The following DIS3L2 variants were observed in gnomAD, a reference collection of about 807,000 sequenced individuals.
DIS3L2 encodes the protein DIS3-like exonuclease 2.
DIS3L2 carries 34 observed loss-of-function variants against 97.5 expected under a neutral mutation model. The ratio of observed to expected loss-of-function variants is 0.35; its 90% confidence interval spans 0.27 to 0.46. The LOEUF is 0.46. Ranked by LOEUF, DIS3L2 falls within the 20% of genes least tolerant of loss-of-function variation. DIS3L2 has a pLI of 1.00. For missense variants in DIS3L2, 1,038 were observed against 1,146.0 expected, an observed-to-expected ratio of 0.91 and a Z score of 1.36; for synonymous variants, 435 against 445.2, an observed-to-expected ratio of 0.98 and a Z score of 0.29.
chr2:232,116,710 C>G (rs574173075), intron 6 of DIS3L2, among the ~76,000 whole-genome samples: 11 of 152,286 alleles, frequency 7.2e-5, no homozygotes, highest in African/African-American at 2.4e-4. Context: ...AGGGAACTGA[C>G]AGCTGCCCTA....
In DIS3L2 at chr2:232,050,444, AT is replaced by A. The variant is rs766372087; in HGVS notation, c.366+20380del. On this transcript the variant is annotated intron_variant, in intron 5 of 20. Coordinates refer to ENST00000325385, the MANE Select transcript of DIS3L2 (RefSeq NM_152383.5). ...ACCACCATGCCCAGCTAATCTTTGTATTTTTTTTTTTTTTTTAGTAGACAGG... is the reference window on the plus strand; with the variant it reads ...ACCACCATGCCCAGCTAATCTTTGTATTTTTTTTTTTTTTTAGTAGACAGG... 5.0e-3 allele frequency among the ~76,000 whole-genome samples: 681 copies of A among 136,312 alleles called. 1 individual carries two copies. The highest frequency in any genetic ancestry group is 8.2e-3 in the East Asian group (38 of 4,658). 89.4% of individuals were successfully genotyped at this position (136,312 alleles called of 152,430 possible).
At chr2:232,234,674 G>A (rs1047855912) in intron 10 of DIS3L2, among the ~76,000 whole-genome samples, 2 of 152,332 alleles carry the variant, frequency 1.3e-5, no homozygotes, top group African/African-American at 2.4e-5. Flanking sequence ...TTACATTTAT[G>A]TAGTTGTTAT....
intron 9 of DIS3L2, among the ~76,000 whole-genome samples, chr2:232,201,633 G>A (rs1219322540): frequency 6.6e-6 from 1 of 152,220 alleles, no homozygotes; most frequent in Admixed American, 6.5e-5. Flanking sequence ...ACATTTAAAC[G>A]TGGTCTATGA....
At chr2:232,272,375 G>A (rs1694030601) in intron 13 of DIS3L2, among the ~76,000 whole-genome samples, 1 of 152,176 alleles carries the variant, frequency 6.6e-6, no homozygotes, top group African/African-American at 2.4e-5. Flanking sequence ...ACACCAATAA[G>A]ATAAAAGCAA....
At chr2:232,050,922 C>T (rs1695382410) in intron 5 of DIS3L2, among the ~76,000 whole-genome samples, 1 of 152,204 alleles carries the variant, frequency 6.6e-6, no homozygotes, top group Non-Finnish European at 1.5e-5. Context: ...GACAATGGCT[C>T]TGCCTAAGGG....
At chr2:232,342,338 TGAA>T (rs1696129923) in intron 13 of DIS3L2, among the ~76,000 whole-genome samples, 1 of 152,004 alleles carries the variant, frequency 6.6e-6, no homozygotes, top group Non-Finnish European at 1.5e-5. Flanking sequence ...AATTCAGACA[TGAA>T]GAAGTATCTT....
intron 1 of DIS3L2, among the ~76,000 whole-genome samples, chr2:231,987,263 T>C (rs1343462236): frequency 1.3e-5 from 2 of 152,226 alleles, no homozygotes; most frequent in Non-Finnish European, 2.9e-5. Flanking sequence ...GTTTTCTTTG[T>C]AATAAGATGT....
At chr2:232,247,146 C>T (rs1004410391) in intron 11 of DIS3L2, among the ~76,000 whole-genome samples, 1 of 152,182 alleles carries the variant, frequency 6.6e-6, no homozygotes, top group African/African-American at 2.4e-5. Context: ...AAGCCCTGGA[C>T]TGATGTCATT....
intron 9 of DIS3L2, among the ~76,000 whole-genome samples, chr2:232,176,161 G>A (rs983199688): frequency 2.0e-5 from 3 of 152,220 alleles, no homozygotes; most frequent in African/African-American, 7.2e-5. Context: ...AAAGTGCTGG[G>A]ATTACAGGCG....
intron 5 of DIS3L2, among the ~76,000 whole-genome samples, chr2:232,059,183 C>G (rs868793813): frequency 6.6e-6 from 1 of 152,130 alleles, no homozygotes; most frequent in Non-Finnish European, 1.5e-5. Context: ...AGAATTCTTG[C>G]AACAGCATAA....
At position 232,130,252 on chromosome 2, in the gene DIS3L2, A is replaced by G. The variant is rs115191395; in HGVS notation, c.602-367A>G. On this transcript the variant is annotated intron_variant, in intron 6 of 20. Coordinates refer to ENST00000325385, the MANE Select transcript of DIS3L2 (RefSeq NM_152383.5). ...TGTTTTATTTCAGCAGATGTGCATA[A>G]TAAATTAACCTATCTCTATTCTTCA... Among the ~76,000 whole-genome samples the G allele has an allele frequency of 9.2e-3, 1,399 of 152,344 alleles. 19 individuals carry two copies. Among genetic ancestry groups the G allele is most frequent in the African/African-American group, 0.032 (1,313 of 41,570 alleles).
At chr2:232,334,965 G>T in intron 19 of DIS3L2, 1 of 543,304 alleles carries the variant, frequency 1.8e-6, no homozygotes, top group South Asian at 2.0e-5. Flanking sequence ...CAGAGAGCAG[G>T]CCCCTCCATG....
intron 1 of DIS3L2, among the ~76,000 whole-genome samples, chr2:232,012,490 T>C (rs1694231301): frequency 6.6e-6 from 1 of 152,158 alleles, no homozygotes; most frequent in Non-Finnish European, 1.5e-5. Context: ...CATTTTCAAT[T>C]CCAGCGCTTG....
At chr2:232,199,433 G>C (rs1691835976) in intron 9 of DIS3L2, among the ~76,000 whole-genome samples, 1 of 152,140 alleles carries the variant, frequency 6.6e-6, no homozygotes, top group African/African-American at 2.4e-5. Context: ...ATGATGCAGT[G>C]AACTCTTCCT....
intron 9 of DIS3L2, among the ~76,000 whole-genome samples, chr2:232,200,016 G>A (rs985993564): frequency 4.6e-5 from 7 of 152,194 alleles, no homozygotes; most frequent in Admixed American, 1.3e-4. Flanking sequence ...CCCATAGTGA[G>A]TATATTCTAA....
intron 13 of DIS3L2, among the ~76,000 whole-genome samples, chr2:232,267,756 C>T (rs1033220524): frequency 6.6e-6 from 1 of 152,116 alleles, no homozygotes; most frequent in Non-Finnish European, 1.5e-5. Context: ...TCACAGAGTC[C>T]CCTGGCACTT....
downstream of DIS3L2, chr2:232,340,578 G>A: frequency 2.4e-6 from 1 of 418,796 alleles, no homozygotes; most frequent in South Asian, 1.8e-5. Flanking sequence ...AAGGGATGCT[G>A]AGACTACAGC....
chr2:232,133,867 A>G (rs3103259), intron 7 of DIS3L2, among the ~76,000 whole-genome samples: 71,234 of 151,202 alleles, frequency 0.47, 19,218 homozygotes, highest in Non-Finnish European at 0.61. Flanking sequence ...ACATACCTGT[A>G]ATCCCAGCTA....
At chr2:232,206,958 A>G (rs1574945628) in intron 9 of DIS3L2, among the ~76,000 whole-genome samples, 1 of 152,224 alleles carries the variant, frequency 6.6e-6, no homozygotes, top group Non-Finnish European at 1.5e-5. Flanking sequence ...CACTGGATCC[A>G]TAGAAATGAA....
Sources: gnomAD v4.1 joint callset for allele counts (sites outside exome capture counted in the v4.1 genomes callset) on GRCh38, gnomAD v4.1.1 for gene constraint, MANE v1.5 for transcripts, NCBI Gene and HGNC (gene_info 2026-07-23, HGNC 2026-07-21) for gene names.